Variants in PPP3R1 observed in about 807,000 individuals in gnomAD.
The protein encoded by PPP3R1 is calcineurin subunit B type 1.
PPP3R1 carries 5 observed loss-of-function variants against 22.6 expected under a neutral mutation model. The observed-to-expected ratio is 0.22, with a 90% CI of 0.12 to 0.46. The LOEUF (loss-of-function observed/expected upper bound fraction) is 0.46. PPP3R1 is among the 20% of genes least tolerant of loss of function. The probability of loss-of-function intolerance (pLI) is 0.99; values close to 1 mark genes in which losing one functional copy is unlikely to be tolerated. For synonymous variants in PPP3R1, 56 were observed against 65.2 expected (o/e 0.86, Z 0.68); for missense variants, 61 against 203.2 (o/e 0.30, Z 4.25).
chr2:68,227,541 C>T (rs1159818932), intron 1 of PPP3R1, among the ~76,000 whole-genome samples: 1 of 151,462 alleles, frequency 6.6e-6, no homozygotes, highest in Admixed American at 6.6e-5. Context: ...ACCAATCATA[C>T]CTATGACAGA....
At chr2:68,186,749 T>G in intron 4 of PPP3R1, 97 bp from the exon 5 acceptor site, 1 of 1,118,792 alleles carries the variant, frequency 8.9e-7, no homozygotes, top group South Asian at 1.5e-5. Context: ...AACATCAAAA[T>G]TATGACTATG....
rs548979874 is a variant in PPP3R1 at position 68,202,494 on chromosome 2, G to A, written c.44-13804C>T. Among the ~76,000 whole-genome samples the A allele has an allele frequency of 5.9e-5, 9 of 151,366 alleles. No individual in the cohort carries two copies. In the East Asian group the frequency reaches 7.8e-4, roughly 13 times the overall value. ...CGCTGGAGTGCAATGACACAGACTC[G>A]GCTCACTGCAACCTCTGCCTCCTGG... On this transcript the variant is annotated intron_variant, in intron 2 of 5. Transcript: ENST00000234310.
intron 1 of PPP3R1, among the ~76,000 whole-genome samples, chr2:68,233,818 C>A (rs1016140790): frequency 2.0e-5 from 3 of 152,020 alleles, no homozygotes; most frequent in Non-Finnish European, 4.4e-5. Context: ...GTTGCTTTAT[C>A]AAGTTTCAAA....
intron 1 of PPP3R1, among the ~76,000 whole-genome samples, chr2:68,226,109 A>C (rs1669775396): frequency 6.6e-6 from 1 of 152,264 alleles, no homozygotes; most frequent in Admixed American, 6.5e-5. Context: ...GGTTCCATTT[A>C]TAAATGCTAC....
At chr2:68,251,413 A>C (rs1354122924) in intron 1 of PPP3R1, among the ~76,000 whole-genome samples, 1 of 152,248 alleles carries the variant, frequency 6.6e-6, no homozygotes, top group African/African-American at 2.4e-5. Flanking sequence ...AGCATGAAAA[A>C]TTAAGCGCCC....
chr2:68,243,297 C>T (rs1670167952), intron 1 of PPP3R1, among the ~76,000 whole-genome samples: 1 of 151,974 alleles, frequency 6.6e-6, no homozygotes, highest in Admixed American at 6.5e-5. Flanking sequence ...AAATGTTATT[C>T]CTGCGCCAGA....
chr2:68,241,583 T>C (rs1434938167), intron 1 of PPP3R1, among the ~76,000 whole-genome samples: 1 of 152,178 alleles, frequency 6.6e-6, no homozygotes, highest in Non-Finnish European at 1.5e-5. Context: ...GCACAGTGGC[T>C]CAGGCCTATA....
chr2:68,192,706 T>C (rs1278153764), intron 2 of PPP3R1, among the ~76,000 whole-genome samples: 2 of 152,192 alleles, frequency 1.3e-5, no homozygotes, highest in East Asian at 1.9e-4. Context: ...TTGCCAACAG[T>C]AATCTTTCTA....
intron 2 of PPP3R1, among the ~76,000 whole-genome samples, chr2:68,192,280 A>G (rs1572953490): frequency 6.6e-6 from 1 of 152,280 alleles, no homozygotes. Context: ...GTTTACAACC[A>G]TAGACTAGGA....
chr2:68,182,657 TAAAAA>T (rs34758901), intron 5 of PPP3R1, among the ~76,000 whole-genome samples: 10 of 123,816 alleles, frequency 8.1e-5, no homozygotes, highest in African/African-American at 3.1e-4. Context: ...CTCTAATACT[TAAAAA>T]AAAAAAAAAA....
chr2:68,197,476 A>G (rs555935696), intron 2 of PPP3R1, among the ~76,000 whole-genome samples: 47 of 152,246 alleles, frequency 3.1e-4, no homozygotes, highest in African/African-American at 1.1e-3. Flanking sequence ...ATTAATGTGT[A>G]TTTCTGTAAA....
At position 68,185,681 on chromosome 2, in the gene PPP3R1, C is replaced by T. The variant is rs200599639; in HGVS notation, c.465+787G>A. On this transcript the variant is annotated intron_variant, in intron 5 of 5. Transcript: ENST00000234310. ...TGTCACACTCCACCAAATGCCAGTT[C>T]ACAGTGACCCTTGGCAATGGTGAAG... 7.2e-5 allele frequency among the ~76,000 whole-genome samples: 11 copies of T among 152,082 alleles called. No individual in the cohort carries two copies. The East Asian group carries it at 9.7e-4, about 13-fold the overall frequency.
chr2:68,229,973 T>TACACACACACACACACACAC lies in PPP3R1; in HGVS notation c.4-12862_4-12843dup, dbSNP rs201152385. 4.1e-3 allele frequency among the ~76,000 whole-genome samples: 582 copies of TACACACACACACACACACAC among 143,196 alleles called. 7 individuals are homozygous for TACACACACACACACACACAC. The highest frequency in any genetic ancestry group is 7.9e-3 in the East Asian group (38 of 4,804). 93.9% of individuals were successfully genotyped at this position (143,196 alleles called of 152,430 possible). On this transcript the variant is annotated intron_variant, in intron 1 of 5. Transcript: ENST00000234310. Reference sequence around the variant, plus strand: ...ATGTGTGTGTGTATATATACACACATACACACACACACACACACACACACA... The same window carrying TACACACACACACACACACAC: ...ATGTGTGTGTGTATATATACACACATACACACACACACACACACACACACACACACACACACACACACACA...
chr2:68,244,767 AAAAG>A (rs1442558870), intron 1 of PPP3R1, among the ~76,000 whole-genome samples: 1 of 152,210 alleles, frequency 6.6e-6, no homozygotes, highest in Non-Finnish European at 1.5e-5. Flanking sequence ...TCTCAAAAAA[AAAAG>A]AAACTGACAC....
chr2:68,187,232 A>T, intron 4 of PPP3R1, 23 bp downstream of exon 4: 1 of 1,560,898 alleles, frequency 6.4e-7, no homozygotes, highest in Non-Finnish European at 8.8e-7. Context: ...AAGAGAATGA[A>T]GTCAGTGAAG....
intron 2 of PPP3R1, among the ~76,000 whole-genome samples, chr2:68,208,333 A>T (rs1028300440): frequency 2.6e-5 from 4 of 152,240 alleles, no homozygotes; most frequent in Non-Finnish European, 4.4e-5. Context: ...AAGAGGGTTC[A>T]GTAAGCTTTT....
In PPP3R1 at chr2:68,190,480, C is replaced by T. The variant is rs1259453161; in HGVS notation, c.44-1790G>A. On this transcript the variant is annotated intron_variant, in intron 2 of 5. Transcript: ENST00000234310. ...ACTTGGGAGGCTGAGGCAGGAGAAGCGCCTGAACCTGGGAGGCGGAGGTTG... is the reference window on the plus strand; with the variant it reads ...ACTTGGGAGGCTGAGGCAGGAGAAGTGCCTGAACCTGGGAGGCGGAGGTTG... Among the ~76,000 whole-genome samples the T allele has an allele frequency of 7.9e-5, 12 of 151,906 alleles. No homozygotes were observed. The East Asian group carries it at 1.9e-3, about 24-fold the overall frequency.
intron 1 of PPP3R1, among the ~76,000 whole-genome samples, chr2:68,221,189 G>A (rs1458142476): frequency 6.6e-6 from 1 of 152,106 alleles, no homozygotes; most frequent in African/African-American, 2.4e-5. Context: ...AAATTAGCTG[G>A]GCATGGTGGC....
chr2:68,204,491 A>G, intron 2 of PPP3R1, among the ~76,000 whole-genome samples: 1 of 152,162 alleles, frequency 6.6e-6, no homozygotes, highest in East Asian at 1.9e-4. Context: ...AATATTGACT[A>G]TGAAACATGA....
Sources: gnomAD v4.1 joint callset for allele counts (sites outside exome capture counted in the v4.1 genomes callset) on GRCh38, gnomAD v4.1.1 for gene constraint, MANE v1.5 for transcripts, NCBI Gene and HGNC (gene_info 2026-07-23, HGNC 2026-07-21) for gene names.